The following RSRP1 variants were observed in gnomAD, a reference collection of about 807,000 sequenced individuals.
RSRP1 encodes arginine and serine rich protein 1.
In RSRP1, 37 loss-of-function variants were observed where a neutral mutation model predicts 33.0. That is an observed-to-expected ratio of 1.12 (90% CI 0.86 to 1.48). The LOEUF is 1.48. Ranked by LOEUF, RSRP1 falls within the 40% of genes most tolerant of loss-of-function variation. The probability of loss-of-function intolerance (pLI) is 0.00; values close to 1 mark genes in which losing one functional copy is unlikely to be tolerated. For missense variants in RSRP1, 402 were observed against 385.3 expected, an observed-to-expected ratio of 1.04 and a Z score of -0.36; for synonymous variants, 167 against 158.7, an observed-to-expected ratio of 1.05 and a Z score of -0.40.
intron 1 of RSRP1, among the ~76,000 whole-genome samples, chr1:25,292,887 CAT>C (rs1358444740): frequency 1.7e-5 from 2 of 120,256 alleles, no homozygotes; most frequent in African/African-American, 5.7e-5. Context: ...AGAGGGGGGA[CAT>C]GTGTAAGAGC....
chr1:25,254,202 G>GT (rs749655282), intron 1 of RSRP1, among the ~76,000 whole-genome samples: 6 of 152,186 alleles, frequency 3.9e-5, no homozygotes, highest in Non-Finnish European at 7.3e-5. Context: ...GAGCCTTGGT[G>GT]TAAGTCAGCT....
At chr1:25,243,887 C>T in intron 3 of RSRP1, 1 of 1,217,650 alleles carries the variant, frequency 8.2e-7, no homozygotes, top group Non-Finnish European at 1.0e-6. Flanking sequence ...AATCAGTTTT[C>T]TCAGGTTGAA....
In RSRP1 at chr1:25,258,556, C is replaced by T. The variant is rs1239304522; in HGVS notation, c.-66-11527G>A. Among the ~76,000 whole-genome samples the T allele has an allele frequency of 2.0e-5, 3 of 152,254 alleles. No homozygotes were observed. In the East Asian group the frequency reaches 5.8e-4, roughly 29 times the overall value. On this transcript the variant is annotated intron_variant, in intron 1 of 1. Transcript: ENST00000561867. ...CGTTTGTGAGACTGGCTCCTGCTGT[C>T]CTCCTCTCAAAGCTATCTGAGGTTT...
chr1:25,261,237 G>C (rs1640133488), intron 1 of RSRP1, among the ~76,000 whole-genome samples: 1 of 152,140 alleles, frequency 6.6e-6, no homozygotes, highest in South Asian at 2.1e-4. Flanking sequence ...TTCAAAATAT[G>C]AATCTGAGGG....
intron 3 of RSRP1, chr1:25,243,918 T>TA: frequency 2.5e-6 from 3 of 1,189,754 alleles, no homozygotes; most frequent in Non-Finnish European, 3.2e-6. Context: ...TTTTGAAATG[T>TA]AAAGCCACAT....
At position 25,292,173 on chromosome 1, in the gene RSRP1, C is replaced by CA. The variant is rs1360772206; in HGVS notation, c.-66-45145dup. Among the ~76,000 whole-genome samples, 6 of 131,374 alleles carry CA rather than the reference C, an allele frequency of 4.6e-5. 1 individual carries two copies. Among genetic ancestry groups the CA allele is most frequent in the South Asian group, 4.6e-4 (2 of 4,344 alleles). 86.2% of individuals were successfully genotyped at this position (131,374 alleles called of 152,430 possible). The stretch of plus-strand genomic sequence containing the variant: ...AATCACATGAGATGATGCATGTTTA[C>CA]AAAAAAAAGCATGAAGCCCCTTTAC... On this transcript the variant is annotated intron_variant, in intron 1 of 1. Coordinates refer to the RSRP1 transcript ENST00000561867.
At chr1:25,246,386 C>G in intron 2 of RSRP1, 58 bp downstream of exon 2, 11 of 1,576,180 alleles carry the variant, frequency 7.0e-6, no homozygotes, top group Non-Finnish European at 9.5e-6. Flanking sequence ...GTTCCCTAGC[C>G]TACTCATATA....
At position 25,278,205 on chromosome 1, in the gene RSRP1, G is replaced by A. The variant is rs535115040; in HGVS notation, c.-66-31176C>T. ...CTGTACTTGATGAAAAGAGTGGGGA[G>A]TTAAGGCTGGCTGCAGATGTATGAT... On this transcript the variant is annotated intron_variant, in intron 1 of 1. Transcript: ENST00000561867. 1.5e-5 allele frequency among the ~76,000 whole-genome samples: 2 copies of A among 129,866 alleles called. 1 individual carries two copies. Among genetic ancestry groups the A allele is most frequent in the Non-Finnish European group, 3.6e-5 (2 of 55,048 alleles). The allele number at this position is 129,866 out of a possible 152,430, so 85.2% of individuals were successfully genotyped here.
intron 3 of RSRP1, chr1:25,243,982 C>A: frequency 8.7e-7 from 1 of 1,154,890 alleles, no homozygotes; most frequent in Non-Finnish European, 1.1e-6. Flanking sequence ...ACCTAATCGT[C>A]TGAACAAAGA....
Position 25,246,424 on chromosome 1 carries a change from A to G in RSRP1, c.520+20T>C, listed in dbSNP as rs200490501. 1.2e-6 allele frequency: 2 copies of G among 1,606,658 alleles called. No individual in the cohort carries two copies. Among genetic ancestry groups the G allele is most frequent in the East Asian group, 4.5e-5 (2 of 44,666 alleles). Reference sequence around the variant, plus strand: ...GCCACCATACATTACCACAAATGGAAAGGTAAATGACCCACCCACCTTTTT... The same window carrying G: ...GCCACCATACATTACCACAAATGGAGAGGTAAATGACCCACCCACCTTTTT... On this transcript the variant is annotated intron_variant, in intron 2 of 4. Transcript: ENST00000243189.
rs1383076572 is a variant in RSRP1, at chr1:25,307,678, G to T, written c.-67+30300C>A. 11 of 1,301,278 alleles carry T rather than the reference G, an allele frequency of 8.5e-6. 2 individuals are homozygous for T. The highest frequency in any genetic ancestry group is 1.1e-5 in the Non-Finnish European group (10 of 943,814). The allele number at this position is 1,301,278 out of a possible 1,614,324, so 80.6% of individuals were successfully genotyped here. ...CGGCTGGAACCTGGCTGTAAAAATG[G>T]CTGAAGCAGGTGATGAGGAGCTGAT... On this transcript the variant is annotated intron_variant, in intron 1 of 1. Coordinates refer to the RSRP1 transcript ENST00000561867.
intron 3 of RSRP1, chr1:25,244,432 C>T: frequency 1.6e-6 from 2 of 1,289,336 alleles, no homozygotes; most frequent in South Asian, 2.5e-5. Flanking sequence ...ACCTCTGATG[C>T]TTTAGCCCAT....
upstream of RSRP1, among the ~76,000 whole-genome samples, chr1:25,251,446 T>A (rs568647282): frequency 8.2e-4 from 125 of 152,278 alleles, 4 homozygotes; most frequent in Middle Eastern, 3.4e-3. Flanking sequence ...CTTGGCTTAC[T>A]GCAACCTCTG....
chr1:25,333,024 G>A lies in RSRP1; in HGVS notation c.-67+4954C>T, dbSNP rs1313694750. ...AAGGCCTTAGAACCCCAGCGGTGAC[G>A]GAAAGGCTGGTGTAGGTCCTGGCGT... On this transcript the variant is annotated intron_variant, in intron 1 of 1. Transcript: ENST00000561867. Among the ~76,000 whole-genome samples, 18 of 131,486 alleles carry A rather than the reference G, an allele frequency of 1.4e-4. 1 individual carries two copies. Among genetic ancestry groups the A allele is most frequent in the African/African-American group, 4.7e-4 (18 of 38,388 alleles). The allele number at this position is 131,486 out of a possible 152,430, so 86.3% of individuals were successfully genotyped here. A position where few individuals can be genotyped will look rare whatever the true frequency, so the allele number is the denominator to read the frequency against.
chr1:25,247,603 C>G (rs908526724), upstream of RSRP1: 1 of 152,354 alleles, frequency 6.6e-6, no homozygotes, highest in African/African-American at 2.4e-5. Context: ...GCCTCGAGCG[C>G]TTGCCTCCAG....
intron 1 of RSRP1, among the ~76,000 whole-genome samples, chr1:25,255,391 T>G (rs1327271140): frequency 6.6e-6 from 1 of 152,222 alleles, no homozygotes. Flanking sequence ...AGCACTTGTC[T>G]GGCCCTGTGT....
chr1:25,243,697 A>T (rs1392826342), intron 3 of RSRP1, 64 bp from the exon 4 acceptor site: 10 of 1,587,078 alleles, frequency 6.3e-6, no homozygotes, highest in African/African-American at 1.4e-5. Context: ...ATCCTATATT[A>T]AAAAATAGCC....
intron 1 of RSRP1, among the ~76,000 whole-genome samples, chr1:25,296,639 A>C (rs1015767669): frequency 1.5e-5 from 2 of 131,308 alleles, no homozygotes; most frequent in African/African-American, 5.3e-5. Context: ...ACCTCGTGGG[A>C]GGTGATTGGA....
chr1:25,277,782 C>T (rs1339075196), intron 1 of RSRP1, among the ~76,000 whole-genome samples: 2 of 121,514 alleles, frequency 1.6e-5, no homozygotes, highest in African/African-American at 5.6e-5. Context: ...TCAAGTAATT[C>T]TCCTGCCTCA....
Sources: allele counts gnomAD v4.1 joint callset (sites outside exome capture counted in the v4.1 genomes callset), GRCh38; gene constraint gnomAD v4.1.1; transcripts MANE v1.5; gene names NCBI Gene and HGNC (gene_info 2026-07-23, HGNC 2026-07-21).